The following CSN2 variants were observed in gnomAD, a reference collection of about 807,000 sequenced individuals.
CSN2 encodes beta-casein.
In CSN2, 27 loss-of-function variants were observed where a neutral mutation model predicts 27.3. The observed-to-expected ratio is 0.99, with a 90% CI of 0.73 to 1.36. The LOEUF (loss-of-function observed/expected upper bound fraction) is 1.36, where lower values mean the gene tolerates loss of function less well. CSN2 is among the 40% of genes most tolerant of loss of function. The pLI is 0.00. For synonymous variants in CSN2, 131 were observed against 94.8 expected, an observed-to-expected ratio of 1.38 and a Z score of -2.22; for missense variants, 333 against 264.5, an observed-to-expected ratio of 1.26 and a Z score of -1.80.
At position 69,960,082 on chromosome 4, in the gene CSN2, G is replaced by T; in HGVS notation, c.52-3C>A. ...CTGCTTGAAAGGCTTTCTATGGTCTGTGGGAAAAAAAAATTGACAACCAGC... is the reference window on the plus strand; with the variant it reads ...CTGCTTGAAAGGCTTTCTATGGTCTTTGGGAAAAAAAAATTGACAACCAGC... On this transcript the variant is annotated splice_region_variant and splice_polypyrimidine_tract_variant and intron_variant, in intron 2 of 7. Coordinates refer to ENST00000353151, the MANE Select transcript of CSN2 (RefSeq NM_001891.4). 1 of 1,610,484 alleles carries T rather than the reference G, an allele frequency of 6.2e-7. No individual in the cohort carries two copies.
intron 1 of CSN2, among the ~76,000 whole-genome samples, 142 bp downstream of exon 1, chr4:69,965,539 G>T (rs1723780194): frequency 6.7e-6 from 1 of 149,052 alleles, no homozygotes; most frequent in East Asian, 2.0e-4. Context: ...TAGCCTAAGT[G>T]TTAAAAATAA....
In CSN2 at chr4:69,955,433, G is replaced by T. The variant is rs922580150; in HGVS notation, c.*196C>A. ...AATTAAGATTTGGAAAATGTAAATA[G>T]TTCATGAGTCAAATTTCAAATTAAA... is the stretch of plus-strand genomic sequence containing the variant. On this transcript the variant is annotated 3_prime_UTR_variant, in exon 8 of 8. Transcript: ENST00000353151. 6.6e-6 allele frequency: 1 copy of T among 152,396 alleles called. No homozygotes were observed. Among genetic ancestry groups the T allele is most frequent in the Non-Finnish European group, 1.5e-5 (1 of 67,918 alleles). The allele number at this position is 152,396 out of a possible 1,614,324, so 9.4% of individuals were successfully genotyped here.
rs369927084 is a variant in CSN2 at position 69,959,341 on chromosome 4, TA to T, written c.79-273del. ...TCATTCCCTGACAACAAATGATATCTAAAACCCCATCTGATTTTTAAAAAAA... is the reference window on the plus strand; with the variant it reads ...TCATTCCCTGACAACAAATGATATCTAAACCCCATCTGATTTTTAAAAAAA... On this transcript the variant is annotated intron_variant, in intron 3 of 7. Transcript: ENST00000353151. Among the ~76,000 whole-genome samples, 134 of 152,208 alleles carry T rather than the reference TA, an allele frequency of 8.8e-4. No individual in the cohort carries two copies. The East Asian group carries it at 0.017, about 20-fold the overall frequency.
At chr4:69,961,261 C>T (rs1028548185) in intron 1 of CSN2, among the ~76,000 whole-genome samples, 1 of 152,052 alleles carries the variant, frequency 6.6e-6, no homozygotes, top group African/African-American at 2.4e-5. Context: ...GATTTTTCAG[C>T]TAACAACTCT....
At chr4:69,961,635 G>A (rs1207697999) in intron 1 of CSN2, among the ~76,000 whole-genome samples, 1 of 152,138 alleles carries the variant, frequency 6.6e-6, no homozygotes, top group Non-Finnish European at 1.5e-5. Context: ...CATACTGAAT[G>A]GACAAAAACT....
At chr4:69,962,140 T>A (rs1016306464) in intron 1 of CSN2, among the ~76,000 whole-genome samples, 1 of 152,082 alleles carries the variant, frequency 6.6e-6, no homozygotes, top group Non-Finnish European at 1.5e-5. Context: ...ATCAATATCA[T>A]GAAAATGGCC....
Position 69,960,810 on chromosome 4 carries a change from GA to G in CSN2, c.51+134del. 3 of 702,288 alleles carry G rather than the reference GA, an allele frequency of 4.3e-6. No homozygotes were observed. In the South Asian group the frequency reaches 6.8e-5, roughly 16 times the overall value. 43.5% of individuals were successfully genotyped at this position (702,288 alleles called of 1,614,324 possible). ...ACAGTGGGTAAATATAAATGATTTT[GA>G]TAGAAGCCAAGAGAATTCTCATGAA... On this transcript the variant is annotated intron_variant, in intron 2 of 7. Transcript: ENST00000353151.
At chr4:69,962,840 A>G (rs1365287884) in intron 1 of CSN2, among the ~76,000 whole-genome samples, 2 of 152,240 alleles carry the variant, frequency 1.3e-5, no homozygotes, top group Non-Finnish European at 2.9e-5. Context: ...TACTCATCTG[A>G]CAAAGGGCTA....
intron 6 of CSN2, 91 bp from the exon 7 acceptor site, chr4:69,956,446 G>C (rs539302675): frequency 9.6e-7 from 1 of 1,043,358 alleles, no homozygotes; most frequent in Non-Finnish European, 1.3e-6. Flanking sequence ...AAGCATCTCC[G>C]TCTTTTGCCT....
At chr4:69,959,269 A>C (rs1175792780) in intron 3 of CSN2, among the ~76,000 whole-genome samples, 200 bp from the exon 4 acceptor site, 1 of 151,052 alleles carries the variant, frequency 6.6e-6, no homozygotes, top group African/African-American at 2.5e-5. Context: ...AGGACATGGT[A>C]CAAAAAAAAG....
chr4:69,960,648 A>G (rs570638272), intron 2 of CSN2, among the ~76,000 whole-genome samples: 135 of 152,016 alleles, frequency 8.9e-4, no homozygotes, highest in African/African-American at 2.8e-3. Flanking sequence ...GAATCTTTGG[A>G]GTTGTATTTA....
At chr4:69,960,130 A>G in intron 2 of CSN2, 51 bp from the exon 3 acceptor site, 1 of 1,530,214 alleles carries the variant, frequency 6.5e-7, no homozygotes, top group Non-Finnish European at 9.0e-7. Context: ...ATCATTAGAG[A>G]ATTTTACTAT....
chr4:69,957,898 G>A (rs1578143655), intron 5 of CSN2, 94 bp from the exon 6 acceptor site: 2 of 1,106,514 alleles, frequency 1.8e-6, no homozygotes, highest in Non-Finnish European at 2.6e-6. Context: ...AATGATAAAT[G>A]AGTAAAAAGA....
chr4:69,960,392 ATAT>A (rs1248512271), intron 2 of CSN2, among the ~76,000 whole-genome samples: 1 of 151,418 alleles, frequency 6.6e-6, no homozygotes, highest in Non-Finnish European at 1.5e-5. Flanking sequence ...TAATCTATTA[ATAT>A]ATTTTTATCT....
chr4:69,964,985 G>A (rs1484597196), intron 1 of CSN2, among the ~76,000 whole-genome samples: 1 of 151,300 alleles, frequency 6.6e-6, no homozygotes, highest in Non-Finnish European at 1.5e-5. Context: ...TATTATCTTT[G>A]TTTATGGTTT....
chr4:69,962,838 T>A (rs1240955167), intron 1 of CSN2, among the ~76,000 whole-genome samples: 2 of 152,228 alleles, frequency 1.3e-5, no homozygotes, highest in Non-Finnish European at 2.9e-5. Context: ...TCTACTCATC[T>A]GACAAAGGGC....
intron 7 of CSN2, among the ~76,000 whole-genome samples, 192 bp downstream of exon 7, chr4:69,956,122 A>C (rs2109740345): frequency 6.6e-6 from 1 of 152,210 alleles, no homozygotes; most frequent in East Asian, 1.9e-4. Flanking sequence ...ATAAAATTAA[A>C]GTTATTTGAA....
intron 3 of CSN2, 115 bp downstream of exon 3, chr4:69,959,938 A>G (rs1723516995): frequency 1.8e-5 from 15 of 845,830 alleles, no homozygotes; most frequent in Non-Finnish European, 2.7e-5. Flanking sequence ...AGAAATATGT[A>G]CTAGAACTTA....
chr4:69,961,040 A>C (rs1436309200), intron 1 of CSN2, 33 bp from the exon 2 acceptor site: 1 of 1,478,266 alleles, frequency 6.8e-7, no homozygotes, highest in South Asian at 1.1e-5. Flanking sequence ...ATGGTGGAAG[A>C]TTGGTCAATT....
Sources: gnomAD v4.1 joint callset for allele counts (sites outside exome capture counted in the v4.1 genomes callset) on GRCh38, gnomAD v4.1.1 for gene constraint, MANE v1.5 for transcripts, NCBI Gene and HGNC (gene_info 2026-07-23, HGNC 2026-07-21) for gene names.